TSPAN12: variants seen among roughly 807,000 people sequenced by gnomAD.
TSPAN12 encodes the protein tetraspanin 12.
In TSPAN12, 19 loss-of-function variants were observed where a neutral mutation model predicts 39.2. The ratio of observed to expected loss-of-function variants is 0.49; its 90% confidence interval spans 0.34 to 0.71. The LOEUF (loss-of-function observed/expected upper bound fraction) is 0.71, where lower values mean the gene tolerates loss of function less well. Among genes scored for constraint, TSPAN12 ranks in the 30% least tolerant of loss-of-function variants. The pLI is 0.01. For synonymous variants in TSPAN12, 119 were observed against 124.8 expected (o/e 0.95, Z 0.31); for missense variants, 314 against 359.9 (o/e 0.87, Z 1.03).
At chr7:120,800,042 A>C (rs965342537) in intron 7 of TSPAN12, among the ~76,000 whole-genome samples, 9 of 151,656 alleles carry the variant, frequency 5.9e-5, no homozygotes, top group African/African-American at 2.2e-4. Flanking sequence ...GTTAGCAGGA[A>C]AGGAGTGTTA....
rs143923135 is a variant in TSPAN12, at chr7:120,850,009, TGA to T, written c.66+6687_66+6688del. 3.2e-3 allele frequency among the ~76,000 whole-genome samples: 490 copies of T among 152,322 alleles called. 21 individuals are homozygous for T. In the East Asian group the frequency reaches 0.073, roughly 23 times the overall value. ...AGGCCTGCTCCCTTTTGCCTTTTTG[TGA>T]GTCTGTGCCTTCTCAGCTTCCCTCT... On this transcript the variant is annotated intron_variant, in intron 2 of 7. Coordinates refer to ENST00000222747, the MANE Select transcript of TSPAN12 (RefSeq NM_012338.4).
At position 120,840,763 on chromosome 7, in the gene TSPAN12, C is replaced by T. The variant is rs546709762; in HGVS notation, c.67-654G>A. Among the ~76,000 whole-genome samples the T allele has an allele frequency of 7.2e-5, 11 of 152,260 alleles. No individual in the cohort carries two copies. The South Asian group carries it at 1.0e-3, about 14-fold the overall frequency. ...TTCTCTTTATCCTACTTTTCCTGTACAAACTAAAGGAAGAACAAAGGACTT... is the reference window on the plus strand; with the variant it reads ...TTCTCTTTATCCTACTTTTCCTGTATAAACTAAAGGAAGAACAAAGGACTT... On this transcript the variant is annotated intron_variant, in intron 2 of 7. Transcript: ENST00000222747.
chr7:120,853,701 C>T (rs1165439755), intron 2 of TSPAN12, among the ~76,000 whole-genome samples: 3 of 149,854 alleles, frequency 2.0e-5, no homozygotes, highest in Admixed American at 1.3e-4. Flanking sequence ...GATGAAACCC[C>T]ATCTCTACTA....
chr7:120,837,861 G>A (rs1057072370), intron 4 of TSPAN12, among the ~76,000 whole-genome samples: 2 of 152,184 alleles, frequency 1.3e-5, no homozygotes, highest in Non-Finnish European at 2.9e-5. Context: ...GTGATTTCAT[G>A]TTGGTAACTT....
chr7:120,850,540 T>C lies in TSPAN12; in HGVS notation c.66+6158A>G, dbSNP rs545365447. On this transcript the variant is annotated intron_variant, in intron 2 of 7. Transcript: ENST00000222747. ...TGGAGTCAATGAGGGAGGAGCCTAT[T>C]GCTCAGTATGCAGCAGAATGTGCTA... Among the ~76,000 whole-genome samples the C allele has an allele frequency of 2.6e-5, 4 of 152,320 alleles. No homozygotes were observed. In the South Asian group the frequency reaches 8.3e-4, roughly 32 times the overall value.
rs117116468 is a variant in TSPAN12 at position 120,853,862 on chromosome 7, G to A, written c.66+2836C>T. On this transcript the variant is annotated intron_variant, in intron 2 of 7. Coordinates refer to ENST00000222747, the MANE Select transcript of TSPAN12 (RefSeq NM_012338.4). ...GGACTGCAGCCTGGTGACAGAGTGAGACTCCGTCCCAAAAAAAAAAAAAAA... is the reference window on the plus strand; with the variant it reads ...GGACTGCAGCCTGGTGACAGAGTGAAACTCCGTCCCAAAAAAAAAAAAAAA... 1.5e-3 allele frequency among the ~76,000 whole-genome samples: 202 copies of A among 139,290 alleles called. 6 individuals carry two copies. The East Asian group carries it at 0.039, about 27-fold the overall frequency. 91.4% of individuals were successfully genotyped at this position (139,290 alleles called of 152,430 possible).
At chr7:120,822,340 C>A (rs951017581) in intron 4 of TSPAN12, among the ~76,000 whole-genome samples, 2 of 151,804 alleles carry the variant, frequency 1.3e-5, no homozygotes, top group Non-Finnish European at 2.9e-5. Context: ...ATACCACCAC[C>A]CCCTAGGATT....
chr7:120,835,038 C>T (rs1487586032), intron 4 of TSPAN12, among the ~76,000 whole-genome samples: 1 of 152,204 alleles, frequency 6.6e-6, no homozygotes, highest in African/African-American at 2.4e-5. Context: ...TTCCTACTTT[C>T]ACTATTCTAA....
intron 2 of TSPAN12, among the ~76,000 whole-genome samples, chr7:120,846,098 A>C (rs1437058843): frequency 6.6e-6 from 1 of 152,172 alleles, no homozygotes; most frequent in African/African-American, 2.4e-5. Flanking sequence ...CCAGAGGAGG[A>C]GTAAGAGAGA....
intron 7 of TSPAN12, among the ~76,000 whole-genome samples, chr7:120,798,610 T>G (rs1352794117): frequency 6.6e-6 from 1 of 152,222 alleles, no homozygotes; most frequent in Non-Finnish European, 1.5e-5. Context: ...CTCAAATTTG[T>G]GAATATGTTT....
chr7:120,810,675 A>G, intron 5 of TSPAN12, 105 bp from the exon 6 acceptor site: 1 of 741,564 alleles, frequency 1.3e-6, no homozygotes, highest in Non-Finnish European at 2.5e-6. Context: ...CATACTCGGA[A>G]TGTCTTCTAA....
At chr7:120,852,224 G>A (rs1399142811) in intron 2 of TSPAN12, among the ~76,000 whole-genome samples, 2 of 151,986 alleles carry the variant, frequency 1.3e-5, no homozygotes, top group Non-Finnish European at 2.9e-5. Context: ...GGTAGAAAAG[G>A]TAAGAAGGTA....
At chr7:120,833,124 G>A (rs1431784269) in intron 4 of TSPAN12, among the ~76,000 whole-genome samples, 1 of 151,978 alleles carries the variant, frequency 6.6e-6, no homozygotes, top group Admixed American at 6.6e-5. Context: ...AGTATATTTT[G>A]AGAAAACAAA....
chr7:120,824,301 G>T (rs966438993), intron 4 of TSPAN12, among the ~76,000 whole-genome samples: 8 of 151,852 alleles, frequency 5.3e-5, no homozygotes, highest in African/African-American at 1.9e-4. Context: ...AATTAGCTGG[G>T]CATGATGGCA....
chr7:120,856,799 C>A lies in TSPAN12; in HGVS notation c.-36G>T. 1 of 1,611,776 alleles carries A rather than the reference C, an allele frequency of 6.2e-7. No individual in the cohort carries two copies. Among genetic ancestry groups the A allele is most frequent in the Non-Finnish European group, 8.5e-7 (1 of 1,177,858 alleles). ...GTAAGGGAGAAGCCCCATCCTTTCA[C>A]CACATCCTACTCCCAAGGGCAAAAC... On this transcript the variant is annotated 5_prime_UTR_variant, in exon 2 of 8. Coordinates refer to ENST00000222747, the MANE Select transcript of TSPAN12 (RefSeq NM_012338.4).
intron 2 of TSPAN12, among the ~76,000 whole-genome samples, chr7:120,843,427 T>C (rs967105971): frequency 1.1e-4 from 17 of 152,074 alleles, no homozygotes; most frequent in African/African-American, 4.1e-4. Context: ...AACCATGCAA[T>C]CCAGAATCCA....
chr7:120,792,825 T>C (rs1163681786), intron 7 of TSPAN12, among the ~76,000 whole-genome samples: 2 of 152,208 alleles, frequency 1.3e-5, no homozygotes, highest in East Asian at 3.8e-4. Context: ...TTATTTAAAA[T>C]GTCCTGTTCT....
intron 4 of TSPAN12, among the ~76,000 whole-genome samples, chr7:120,821,573 G>T (rs1794188523): frequency 6.6e-6 from 1 of 152,146 alleles, no homozygotes; most frequent in Non-Finnish European, 1.5e-5. Context: ...TGTAAAGTGA[G>T]AATGTTAAAA....
At chr7:120,832,109 C>T (rs1429634864) in intron 4 of TSPAN12, among the ~76,000 whole-genome samples, 1 of 151,976 alleles carries the variant, frequency 6.6e-6, no homozygotes, top group Admixed American at 6.6e-5. Context: ...ACATTACTAT[C>T]ATGTAATGCT....
Sources: gnomAD v4.1 joint callset for allele counts (sites outside exome capture counted in the v4.1 genomes callset) on GRCh38, gnomAD v4.1.1 for gene constraint, MANE v1.5 for transcripts, NCBI Gene and HGNC (gene_info 2026-07-23, HGNC 2026-07-21) for gene names.